AP1G1: variants seen among roughly 807,000 people sequenced by gnomAD.
AP1G1 encodes AP-1 complex subunit gamma-1.
A neutral mutation model predicts 108.3 loss-of-function variants in AP1G1; 7 were observed. The observed-to-expected ratio is 0.06, with a 90% confidence interval of 0.04 to 0.12. AP1G1 has a LOEUF of 0.12. Ranked by LOEUF, AP1G1 falls within the 10% of genes least tolerant of loss-of-function variation. The pLI is 1.00. For synonymous variants in AP1G1, 379 were observed against 353.5 expected (o/e 1.07, Z -0.81); for missense variants, 756 against 1,010.7 (o/e 0.75, Z 3.42).
At chr16:71,784,374 C>T (rs569322890) in intron 2 of AP1G1, among the ~76,000 whole-genome samples, 1 of 152,306 alleles carries the variant, frequency 6.6e-6, no homozygotes, top group East Asian at 1.9e-4. Flanking sequence ...ATAACAACTA[C>T]CTGAGAGGTG....
intron 21 of AP1G1, 121 bp downstream of exon 21, chr16:71,738,821 T>G (rs112238313): frequency 3.3e-6 from 3 of 907,910 alleles, no homozygotes; most frequent in Non-Finnish European, 5.0e-6. Flanking sequence ...TATTGTTAGT[T>G]TGAATTAAGT....
rs2045454059 is a variant in AP1G1 at position 71,729,042 on chromosome 16, T to C, written c.*4016A>G. 6.6e-6 allele frequency: 1 copy of C among 152,636 alleles called. No individual in the cohort carries two copies. Among genetic ancestry groups the C allele is most frequent in the African/African-American group, 2.4e-5 (1 of 41,450 alleles). 9.5% of individuals were successfully genotyped at this position (152,636 alleles called of 1,614,324 possible). A position where few individuals can be genotyped will look rare whatever the true frequency, so the allele number is the denominator to read the frequency against. On this transcript the variant is annotated 3_prime_UTR_variant, in exon 23 of 23. Transcript: ENST00000299980. ...TTGACTTTTTATTATTAGTCACTGT[T>C]CATAATTTGTTTCAACCAAAAGACA... is the stretch of plus-strand genomic sequence containing the variant.
At chr16:71,773,019 T>C (rs755563115) in intron 4 of AP1G1, 9 of 687,120 alleles carry the variant, frequency 1.3e-5, no homozygotes, top group South Asian at 1.1e-4. Context: ...ACCTAGGATA[T>C]ATCCAGTAAC....
intron 13 of AP1G1, among the ~76,000 whole-genome samples, chr16:71,752,002 T>C (rs751230031): frequency 1.3e-5 from 2 of 152,160 alleles, no homozygotes; most frequent in Non-Finnish European, 2.9e-5. Flanking sequence ...CTCAACAAGA[T>C]ATTAGCAAAT....
intron 1 of AP1G1, 71 bp from the exon 2 acceptor site, chr16:71,789,553 A>G: frequency 6.8e-7 from 1 of 1,464,268 alleles, no homozygotes; most frequent in Admixed American, 1.8e-5. Context: ...ACAACTTCCC[A>G]TTTAAATTTT....
At chr16:71,797,994 T>C (rs2032645587) in intron 1 of AP1G1, among the ~76,000 whole-genome samples, 1 of 152,192 alleles carries the variant, frequency 6.6e-6, no homozygotes, top group Admixed American at 6.5e-5. Flanking sequence ...ACAGTCCCAT[T>C]GACAATAGTG....
intron 1 of AP1G1, among the ~76,000 whole-genome samples, chr16:71,800,523 C>T (rs757828873): frequency 1.3e-4 from 19 of 151,124 alleles, no homozygotes; most frequent in African/African-American, 4.2e-4. Flanking sequence ...CGTCTCGGGT[C>T]GGGTGCGGGG....
In AP1G1 at chr16:71,736,117, A is replaced by AATAT. The variant is rs1306238313; in HGVS notation, c.2269-1414_2269-1411dup. 1.5e-3 allele frequency among the ~76,000 whole-genome samples: 106 copies of AATAT among 71,602 alleles called. 1 individual carries two copies. The highest frequency in any genetic ancestry group is 7.8e-3 in the Middle Eastern group (1 of 128). The allele number at this position is 71,602 out of a possible 152,430, so 47.0% of individuals were successfully genotyped here. A position where few individuals can be genotyped will look rare whatever the true frequency, so the allele number is the denominator to read the frequency against. On this transcript the variant is annotated intron_variant, in intron 21 of 22. Coordinates refer to ENST00000299980, the MANE Select transcript of AP1G1 (RefSeq NM_001128.6). ...CCATCTCAAAAAAAAAAAAAAAAAA[A>AATAT]ATATATATATATATATATATATATA...
intron 21 of AP1G1, among the ~76,000 whole-genome samples, chr16:71,738,217 A>G (rs1227941708): frequency 2.8e-5 from 4 of 144,304 alleles, no homozygotes; most frequent in Admixed American, 2.1e-4. Context: ...CGCCCGGCTA[A>G]TTTTTTTTTT....
intron 22 of AP1G1, among the ~76,000 whole-genome samples, chr16:71,733,759 G>A (rs1318667318): frequency 2.0e-5 from 3 of 152,164 alleles, no homozygotes; most frequent in Non-Finnish European, 4.4e-5. Flanking sequence ...CTCATCGTAC[G>A]CTCTCCATTC....
chr16:71,792,651 C>T (rs1360472758), intron 1 of AP1G1, among the ~76,000 whole-genome samples: 9 of 151,904 alleles, frequency 5.9e-5, no homozygotes, highest in South Asian at 2.1e-4. Flanking sequence ...GTCAGGAGTT[C>T]GAGACCAGCC....
Position 71,748,884 on chromosome 16 carries a change from G to A in AP1G1, c.1498-506C>T, listed in dbSNP as rs569677608. Among the ~76,000 whole-genome samples the A allele has an allele frequency of 6.6e-5, 10 of 152,072 alleles. No homozygotes were observed. In the East Asian group the frequency reaches 1.9e-3, roughly 30 times the overall value. ...ATCTCACAATGGGGCCAGGCAAAGT[G>A]GCTCACACCTGTTTTGTTTTTTTTT... is the stretch of plus-strand genomic sequence containing the variant. On this transcript the variant is annotated intron_variant, in intron 15 of 22. Transcript: ENST00000299980.
rs1437029884 is a variant in AP1G1 at position 71,745,624 on chromosome 16, T to C, written c.1731-10A>G. ...CTCAAGTAGGGCAGACCTAGAAGAA[T>C]CTGAAGTGGTTAAATTCTAGGCAGT... On this transcript the variant is annotated splice_polypyrimidine_tract_variant and intron_variant, in intron 17 of 22. Transcript: ENST00000299980. 1 of 1,612,132 alleles carries C rather than the reference T, an allele frequency of 6.2e-7. No homozygotes were observed. The highest frequency in any genetic ancestry group is 8.5e-7 in the Non-Finnish European group (1 of 1,178,328).
intron 1 of AP1G1, among the ~76,000 whole-genome samples, chr16:71,791,370 A>T (rs2032392492): frequency 6.6e-6 from 1 of 152,154 alleles, no homozygotes; most frequent in Non-Finnish European, 1.5e-5. Flanking sequence ...AACAATTGAG[A>T]CCTATTTGAT....
At chr16:71,808,299 G>T in intron 1 of AP1G1, 1 of 799,764 alleles carries the variant, frequency 1.3e-6, no homozygotes, top group Non-Finnish European at 1.7e-6. Flanking sequence ...GGACGGCACT[G>T]CAGGGGCAGG....
chr16:71,744,275 G>A (rs1167747459), intron 19 of AP1G1, among the ~76,000 whole-genome samples: 1 of 152,076 alleles, frequency 6.6e-6, no homozygotes, highest in Non-Finnish European at 1.5e-5. Flanking sequence ...TTGGACTCGG[G>A]TTTATCATAT....
chr16:71,784,857 C>T (rs552457144), intron 2 of AP1G1, among the ~76,000 whole-genome samples: 7 of 151,370 alleles, frequency 4.6e-5, no homozygotes, highest in African/African-American at 9.7e-5. Context: ...CCGTGTCCAT[C>T]CTACCCCTTA....
chr16:71,765,167 C>T (rs2031261375), intron 7 of AP1G1, among the ~76,000 whole-genome samples: 1 of 152,128 alleles, frequency 6.6e-6, no homozygotes, highest in Non-Finnish European at 1.5e-5. Flanking sequence ...ATGGCAAAAC[C>T]CTGTCTCTAC....
intron 1 of AP1G1, among the ~76,000 whole-genome samples, chr16:71,805,496 C>A (rs2142291742): frequency 6.6e-6 from 1 of 152,116 alleles, no homozygotes; most frequent in East Asian, 1.9e-4. Context: ...AAAGCAAGGA[C>A]AGACTAAATT....
Sources: gnomAD v4.1 joint callset for allele counts (sites outside exome capture counted in the v4.1 genomes callset) on GRCh38, gnomAD v4.1.1 for gene constraint, MANE v1.5 for transcripts, NCBI Gene and HGNC (gene_info 2026-07-23, HGNC 2026-07-21) for gene names.